Variants in EHMT2 observed in about 807,000 individuals in gnomAD.
EHMT2 encodes euchromatic histone lysine methyltransferase 2, also known as histone-lysine N-methyltransferase EHMT2.
EHMT2 carries 59 observed loss-of-function variants against 143.3 expected under a neutral mutation model. That is an observed-to-expected ratio of 0.41 (90% confidence interval 0.33 to 0.51). EHMT2 has a LOEUF of 0.51. Ranked by LOEUF, EHMT2 falls within the 20% of genes least tolerant of loss-of-function variation. The pLI, the probability that EHMT2 is intolerant of heterozygous loss-of-function variation, is 0.18. For synonymous variants in EHMT2, 604 were observed against 651.5 expected, an observed-to-expected ratio of 0.93 and a Z score of 1.11; for missense variants, 1,174 against 1,645.9, an observed-to-expected ratio of 0.71 and a Z score of 4.96.
At chr6:31,882,908 T>A in exon 24 of EHMT2, 4 of 1,612,948 alleles carry the variant, frequency 2.5e-6, no homozygotes, top group Non-Finnish European at 3.4e-6. Context: ...TGCCACTCTG[T>A]ACGACCCGGT....
Position 31,889,538 on chromosome 6 carries a change from T to G in EHMT2, c.929A>C (p.Glu310Ala), listed in dbSNP as rs552531891. ...CTCTTCCTCCTCCTCTTCCTCTTCT[T>G]CTTCTTCCTCCTCTTCCTCCTCCTC... Residue 310 changes from glutamate (E) to alanine (A), a missense_variant, in exon 8 of 28, where the codon GAA becomes GCA. Coordinates refer to ENST00000375537, the Ensembl canonical transcript of EHMT2. The surrounding 1 kb of genome is among the most constrained non-coding windows in gnomAD (Gnocchi z 5.1). 2 of 1,612,140 alleles carry G rather than the reference T, an allele frequency of 1.2e-6. No homozygotes were observed. Among genetic ancestry groups the G allele is most frequent in the Admixed American group, 1.7e-5 (1 of 60,018 alleles).
At position 31,887,674 on chromosome 6, in the gene EHMT2, C is replaced by G; in HGVS notation, c.1929-15G>C. The stretch of plus-strand genomic sequence containing the variant: ...GCTTCTTCCGCCTGCCAAGGGAGCA[C>G]GGGAGCGGGGAGAGAAGGGGAGCTC... On this transcript the variant is annotated splice_polypyrimidine_tract_variant and intron_variant, in intron 14 of 27. Transcript: ENST00000375537. 6.2e-7 allele frequency: 1 copy of G among 1,612,438 alleles called. No individual in the cohort carries two copies. Among genetic ancestry groups the G allele is most frequent in the Non-Finnish European group, 8.5e-7 (1 of 1,179,934 alleles).
chr6:31,887,181 G>A, intron 15 of EHMT2, 80 bp from the exon 16 acceptor site: 2 of 1,258,300 alleles, frequency 1.6e-6, no homozygotes, highest in African/African-American at 1.5e-5. Context: ...CTTCTTTCAG[G>A]AAGGCTTCTC....
chr6:31,896,365 A>C (rs752046480), exon 4 of EHMT2: 2 of 1,612,916 alleles, frequency 1.2e-6, no homozygotes, highest in South Asian at 2.2e-5. Flanking sequence ...CTGCTGCTGC[A>C]GCTCCCTGGG....
At chr6:31,885,706 T>A (rs750004512) in intron 18 of EHMT2, 2 of 152,072 alleles carry the variant, frequency 1.3e-5, no homozygotes, top group Non-Finnish European at 2.9e-5. Flanking sequence ...TCAGCCTGGG[T>A]GACATAGCAA....
chr6:31,879,762 A>T (rs3177780), exon 28 of EHMT2: 1 of 406,052 alleles, frequency 2.5e-6, no homozygotes, highest in African/African-American at 2.0e-5. Context: ...ATCGCAGTTT[A>T]TTACCAAACC....
At chr6:31,886,950 C>T in intron 16 of EHMT2, 45 bp downstream of exon 16, 4 of 1,613,800 alleles carry the variant, frequency 2.5e-6, no homozygotes, top group Non-Finnish European at 3.4e-6. Context: ...AGGGGAGGGG[C>T]CTAAGGGCCT....
Position 31,880,712 on chromosome 6 carries a change from A to G in EHMT2, c.3413T>C (p.Phe1138Ser), listed in dbSNP as rs1365097076. Residue 1138 changes from phenylalanine to serine, a missense_variant, in exon 27 of 28, where the codon TTC becomes TCC. Physicochemically the swap from Phe to Ser is radical, Grantham distance 155 (BLOSUM62 -2). Transcript: ENST00000375537. The surrounding 1 kb of genome is among the most constrained non-coding windows in gnomAD (Gnocchi z 6.6). ...AGTCCGGATGTCTCGGGAACTGAAG[A>G]AGGCGATGCGTGGAAATCGCAGGTC... The G allele has an allele frequency of 4.3e-6, 7 of 1,613,806 alleles. No homozygotes were observed. Among genetic ancestry groups the G allele is most frequent in the African/African-American group, 2.7e-5 (2 of 74,886 alleles).
Position 31,881,350 on chromosome 6 carries a change from T to A in EHMT2, c.3198-258A>T. On this transcript the variant is annotated intron_variant, in intron 25 of 27. Transcript: ENST00000375537. The surrounding 1 kb of genome is among the most constrained non-coding windows in gnomAD (Gnocchi z 4.8). Reference sequence around the variant, plus strand: ...GATTAATGTGTAGGGGCAGTTGGCCTGGGTGGGGAAGTTCGGGTTTGGACA... The same window carrying A: ...GATTAATGTGTAGGGGCAGTTGGCCAGGGTGGGGAAGTTCGGGTTTGGACA... 1 of 578,356 alleles carries A rather than the reference T, an allele frequency of 1.7e-6. No individual in the cohort carries two copies. 35.8% of individuals were successfully genotyped at this position (578,356 alleles called of 1,614,324 possible). A position where few individuals can be genotyped will look rare whatever the true frequency, so the allele number is the denominator to read the frequency against.
At chr6:31,882,842 A>G in intron 24 of EHMT2, 52 bp downstream of exon 24, 2 of 1,611,228 alleles carry the variant, frequency 1.2e-6, no homozygotes, top group South Asian at 1.1e-5. Context: ...CCCCAGGGGC[A>G]GGGAGGAAAG....
exon 3 of EHMT2, chr6:31,896,679 A>G (rs1423756255): frequency 1.2e-6 from 2 of 1,609,224 alleles, no homozygotes; most frequent in African/African-American, 1.3e-5. Context: ...TGAGTGGTGT[A>G]GCCCCTACAG....
At position 31,888,617 on chromosome 6, in the gene EHMT2, A is replaced by G. The variant is rs770845800; in HGVS notation, c.1347T>C (p.Thr449=). 1.9e-6 allele frequency: 3 copies of G among 1,613,224 alleles called. No homozygotes were observed. The highest frequency in any genetic ancestry group is 1.7e-5 in the Admixed American group (1 of 60,010). The change falls in exon 11 of 28, where the codon ACT becomes ACC. Residue 449 remains threonine (T), a synonymous_variant. Coordinates refer to ENST00000375537, the Ensembl canonical transcript of EHMT2. The surrounding 1 kb of genome is among the most constrained non-coding windows in gnomAD (Gnocchi z 7.4). ...GCCCCACCTCTCCGTCCACACTCTC[A>G]GTGGCCATGCACTTGTGCCCCGCCC... is the stretch of plus-strand genomic sequence containing the variant.
rs954072956 is a variant in EHMT2 at position 31,896,844 on chromosome 6, G to T, written c.110-20C>A. 2 of 1,612,704 alleles carry T rather than the reference G, an allele frequency of 1.2e-6. No individual in the cohort carries two copies. Among genetic ancestry groups the T allele is most frequent in the Non-Finnish European group, 1.7e-6 (2 of 1,179,990 alleles). On this transcript the variant is annotated intron_variant, in intron 2 of 27. Transcript: ENST00000375537. ...CATGAACTGTAGAGGAAGAGAAAAA[G>T]TTCAGAGCTAAGGGCTCAGGAGATC...
At chr6:31,896,650 T>G in exon 3 of EHMT2, 1 of 1,593,960 alleles carries the variant, frequency 6.3e-7, no homozygotes, top group Non-Finnish European at 8.5e-7. Flanking sequence ...TCCCTCAAGA[T>G]TCTCAGATTC....
chr6:31,896,172 T>G, intron 4 of EHMT2, 91 bp downstream of exon 4: 2 of 1,504,734 alleles, frequency 1.3e-6, no homozygotes, highest in Non-Finnish European at 1.8e-6. Context: ...AATATGTGAA[T>G]GAGTAAATGG....
chr6:31,893,069 T>G, intron 4 of EHMT2, 159 bp from the exon 5 acceptor site: 1 of 585,744 alleles, frequency 1.7e-6, no homozygotes, highest in Non-Finnish European at 3.0e-6. Flanking sequence ...TGCTATTTCC[T>G]CAGAGGAAGA....
chr6:31,884,256 G>A lies in EHMT2; in HGVS notation c.2771+136C>T, dbSNP rs1234139687. ...GTATCTGGCAACCCTAGTGGGGAGG[G>A]GGCCTGTGGGTGGTTCTGGGGATTC... On this transcript the variant is annotated intron_variant, in intron 21 of 27. Coordinates refer to ENST00000375537, the Ensembl canonical transcript of EHMT2. The surrounding 1 kb of genome is among the most constrained non-coding windows in gnomAD (Gnocchi z 7.3). 3 of 1,030,546 alleles carry A rather than the reference G, an allele frequency of 2.9e-6. No individual in the cohort carries two copies. The highest frequency in any genetic ancestry group is 5.1e-5 in the East Asian group (2 of 39,180). 63.8% of individuals were successfully genotyped at this position (1,030,546 alleles called of 1,614,324 possible). A position where few individuals can be genotyped will look rare whatever the true frequency, so the allele number is the denominator to read the frequency against.
rs377615321 is a variant in EHMT2 at position 31,888,099 on chromosome 6, G to A, written c.1687C>T (p.Pro563Ser). 4 of 1,610,530 alleles carry A rather than the reference G, an allele frequency of 2.5e-6. No homozygotes were observed. In the South Asian group the frequency reaches 3.3e-5, roughly 13 times the overall value. ...TCCTGGGACAGGGGTGGGGGTGCAG[G>A]AGCTGCAGTGCCGGCCGGTGGGGTC... The change falls in exon 13 of 28, where the codon CCT becomes TCT. Residue 563 changes from proline to serine, a missense_variant. Coordinates refer to ENST00000375537, the Ensembl canonical transcript of EHMT2. The surrounding 1 kb of genome is among the most constrained non-coding windows in gnomAD (Gnocchi z 7.4).
Position 31,886,756 on chromosome 6 carries a change from C to T in EHMT2, c.2241+19G>A. On this transcript the variant is annotated intron_variant, in intron 17 of 27. Coordinates refer to ENST00000375537, the Ensembl canonical transcript of EHMT2. ...GGTCCCTGACTCCGGGGGCCACGCC[C>T]TGCTGCCTGCGCGCACACCTTGCTA... 6.2e-7 allele frequency: 1 copy of T among 1,614,194 alleles called. No homozygotes were observed. Among genetic ancestry groups the T allele is most frequent in the Non-Finnish European group, 8.5e-7 (1 of 1,180,004 alleles).
Sources: gnomAD v4.1 joint callset for allele counts on GRCh38, gnomAD v4.1.1 for gene constraint, Gnocchi (gnomAD v3.1) non-coding constraint, MANE v1.5 for transcripts, NCBI Gene and HGNC (gene_info 2026-07-23, HGNC 2026-07-21) for gene names.